PLA2G3: variants seen among roughly 807,000 people sequenced by gnomAD.
The protein encoded by PLA2G3 is group 3 secretory phospholipase A2.
PLA2G3 carries 39 observed loss-of-function variants against 51.3 expected under a neutral mutation model. The ratio of observed to expected loss-of-function variants is 0.76; its 90% CI spans 0.59 to 0.99. The LOEUF is 0.99. PLA2G3 is among the 50% of genes least tolerant of loss of function. The probability of loss-of-function intolerance (pLI) is 0.00; values close to 1 mark genes in which losing one functional copy is unlikely to be tolerated. For missense variants in PLA2G3, 677 were observed against 662.1 expected (o/e 1.02, Z -0.25); for synonymous variants, 293 against 263.1 (o/e 1.11, Z -1.10).
chr22:31,137,644 A>C, intron 4 of PLA2G3, 66 bp downstream of exon 4: 1 of 1,420,172 alleles, frequency 7.0e-7, no homozygotes, highest in African/African-American at 1.4e-5. Flanking sequence ...ACACATGGCC[A>C]CCCCTAAACA....
Position 31,139,924 on chromosome 22 carries a change from T to G in PLA2G3, c.431A>C (p.His144Pro). The change falls in exon 1 of 7, where the codon CAC becomes CCC. Residue 144 changes from histidine (H) to proline (P), a missense_variant. His to Pro is a moderately conservative substitution (Grantham distance 77, BLOSUM62 -2). Coordinates refer to ENST00000215885, the MANE Select transcript of PLA2G3 (RefSeq NM_015715.5). ...GGTCCATCCTCTCTTCTCTCGCTGG[T>G]GCCCTCCACCAGGGACTCCACTCTG... ...AGQSGVPGGG[H>P]QREKRGWTMP... 1 of 1,613,986 alleles carries G rather than the reference T, an allele frequency of 6.2e-7. No homozygotes were observed. The highest frequency in any genetic ancestry group is 2.2e-5 in the East Asian group (1 of 44,860).
At chr22:31,137,275 G>A (rs906861402) in intron 4 of PLA2G3, among the ~76,000 whole-genome samples, 11 of 152,226 alleles carry the variant, frequency 7.2e-5, no homozygotes, top group African/African-American at 1.9e-4. Context: ...GAGTACTGAC[G>A]GTAGTCAAGA....
chr22:31,139,136 G>A (rs1266932319), intron 1 of PLA2G3, among the ~76,000 whole-genome samples: 3 of 152,184 alleles, frequency 2.0e-5, no homozygotes, highest in Non-Finnish European at 2.9e-5. Flanking sequence ...AATTATGAAT[G>A]TGTGTATGAT....
Position 31,134,814 on chromosome 22 carries a change from C to T in PLA2G3, c.*909G>A, listed in dbSNP as rs1922457895. ...TACCAGGCACCAGCTGTATACATTA[C>T]ACATGCCATCTCCTTTAATCTGCAT... On this transcript the variant is annotated 3_prime_UTR_variant, in exon 7 of 7. Coordinates refer to ENST00000215885, the MANE Select transcript of PLA2G3 (RefSeq NM_015715.5). The T allele has an allele frequency of 5.4e-6, 1 of 186,246 alleles. No homozygotes were observed. 11.5% of individuals were successfully genotyped at this position (186,246 alleles called of 1,614,324 possible). A position where few individuals can be genotyped will look rare whatever the true frequency, so the allele number is the denominator to read the frequency against.
chr22:31,138,517 C>T (rs1922722625), intron 2 of PLA2G3, 107 bp from the exon 3 acceptor site: 2 of 1,519,084 alleles, frequency 1.3e-6, no homozygotes, highest in Non-Finnish European at 1.8e-6. Flanking sequence ...CCAAGCATCC[C>T]TTCTTTCTGG....
Position 31,140,468 on chromosome 22 carries a change from G to T in PLA2G3, c.-114C>A. The T allele has an allele frequency of 8.1e-7, 1 of 1,235,160 alleles. No individual in the cohort carries two copies. Among genetic ancestry groups the T allele is most frequent in the Admixed American group, 2.4e-5 (1 of 41,800 alleles). The allele number at this position is 1,235,160 out of a possible 1,614,324, so 76.5% of individuals were successfully genotyped here. On this transcript the variant is annotated 5_prime_UTR_variant, in exon 1 of 7. Transcript: ENST00000215885. The stretch of plus-strand genomic sequence containing the variant: ...AGCGGAGCCCAGCAGGCCCGGTGCG[G>T]CGGGACCAATGAATGGAGCTGCGGG...
Position 31,135,698 on chromosome 22 carries a change from G to A in PLA2G3, c.*25C>T, listed in dbSNP as rs1922513953. ...ATAGCCATGGGCAAGGTCCAGGCTG[G>A]TGCCCAGGAAAGCTGAAACTGAGGT... On this transcript the variant is annotated 3_prime_UTR_variant, in exon 7 of 7. Transcript: ENST00000215885. The A allele has an allele frequency of 6.3e-7, 1 of 1,583,380 alleles. No homozygotes were observed. The highest frequency in any genetic ancestry group is 1.7e-5 in the Admixed American group (1 of 59,924).
At position 31,137,842 on chromosome 22, in the gene PLA2G3, G is replaced by T; in HGVS notation, c.934C>A (p.Pro312Thr). ...CGCTTGGACCCTTTCTGATGTGGTG[G>T]CCCCTTCCGAAGGTGCTGCTTCTGT... Reference protein sequence around the residue: ...PRQKQHLRKGPPHQKGSKRPS... With the variant: ...PRQKQHLRKGTPHQKGSKRPS... Residue 312 changes from proline (P) to threonine (T), a missense_variant, in exon 4 of 7, where the codon CCA becomes ACA. Transcript: ENST00000215885. 2.5e-6 allele frequency: 4 copies of T among 1,614,130 alleles called. No individual in the cohort carries two copies. Among genetic ancestry groups the T allele is most frequent in the Non-Finnish European group, 3.4e-6 (4 of 1,180,008 alleles).
At chr22:31,136,885 G>A (rs368261799) in intron 5 of PLA2G3, 23 bp downstream of exon 5, 157 of 1,607,370 alleles carry the variant, frequency 9.8e-5, no homozygotes, top group East Asian at 8.3e-4. Flanking sequence ...AGCCCACCCC[G>A]CGAGGGTTCA....
chr22:31,136,886 C>A (rs370175331), intron 5 of PLA2G3, 22 bp downstream of exon 5: 5 of 1,607,350 alleles, frequency 3.1e-6, no homozygotes, highest in African/African-American at 2.7e-5. Context: ...GCCCACCCCG[C>A]GAGGGTTCAA....
intron 6 of PLA2G3, 94 bp from the exon 7 acceptor site, chr22:31,136,030 G>A: frequency 5.8e-6 from 6 of 1,035,866 alleles, no homozygotes; most frequent in Non-Finnish European, 8.6e-6. Context: ...GAGAGAGGGG[G>A]CTGGGGCCAC....
At position 31,137,764 on chromosome 22, in the gene PLA2G3, G is replaced by C. The variant is rs200094111; in HGVS notation, c.1012C>G (p.Leu338Val). The change falls in exon 4 of 7, where the codon CTT (leucine) becomes GTT (valine). Residue 338 changes from leucine (L) to valine (V), a missense_variant. Leu to Val is a conservative substitution (Grantham distance 32). Transcript: ENST00000215885. Reference sequence around the variant, plus strand: ...TGGAGGCCTGTGGGGGCCACATCAAGCCTGGGAGAGACCATAGGGTCCTGG... The same window carrying C: ...TGGAGGCCTGTGGGGGCCACATCAACCCTGGGAGAGACCATAGGGTCCTGG... ...ALQDPMVSPRLDVAPTGLQGP... is the reference protein window; with the variant it reads ...ALQDPMVSPRVDVAPTGLQGP... The C allele has an allele frequency of 2.5e-6, 4 of 1,613,708 alleles. No individual in the cohort carries two copies. Among genetic ancestry groups the C allele is most frequent in the Non-Finnish European group, 3.4e-6 (4 of 1,179,966 alleles).
At position 31,135,864 on chromosome 22, in the gene PLA2G3, C is replaced by T. The variant is rs1479163298; in HGVS notation, c.1389G>A (p.Gln463=). 4 of 1,613,944 alleles carry T rather than the reference C, an allele frequency of 2.5e-6. No individual in the cohort carries two copies. The highest frequency in any genetic ancestry group is 3.4e-6 in the Non-Finnish European group (4 of 1,180,046). Residue 463 remains glutamine (Q), a synonymous_variant, in exon 7 of 7, where the codon CAG becomes CAA. Transcript: ENST00000215885. ...TCTCATCTGTGCCTTTATCCTGGAGCTGGTGTCGCCTCTGCTGAAGCCTCC... is the reference window on the plus strand; with the variant it reads ...TCTCATCTGTGCCTTTATCCTGGAGTTGGTGTCGCCTCTGCTGAAGCCTCC... ...HLRRLQQRRH[Q]LQDKGTDERQ...
At chr22:31,137,573 G>C (rs1922648828) in intron 4 of PLA2G3, 137 bp downstream of exon 4, 2 of 794,068 alleles carry the variant, frequency 2.5e-6, no homozygotes, top group African/African-American at 1.7e-5. Context: ...CTGTGCTGCA[G>C]TGTGATTTCA....
chr22:31,137,035 G>C lies in PLA2G3; in HGVS notation c.1072C>G (p.Arg358Gly). Reference sequence around the variant, plus strand: ...CGGCGGAAGCTGCGGCAGACCCAGCGGGCACCTGAGGGGTGGATGTGGTGT... The same window carrying C: ...CGGCGGAAGCTGCGGCAGACCCAGCCGGCACCTGAGGGGTGGATGTGGTGT... Reference protein sequence around the residue: ...PQGGLKPQGARWVCRSFRRHL... With the variant: ...PQGGLKPQGAGWVCRSFRRHL... The change falls in exon 5 of 7, where the codon CGC becomes GGC. Residue 358 changes from arginine (R) to glycine (G), a missense_variant. Physicochemically the swap from Arg to Gly is moderately radical, Grantham distance 125. Coordinates refer to ENST00000215885, the MANE Select transcript of PLA2G3 (RefSeq NM_015715.5). The C allele has an allele frequency of 2.6e-6, 4 of 1,535,850 alleles. No homozygotes were observed. Among genetic ancestry groups the C allele is most frequent in the Non-Finnish European group, 2.6e-6 (3 of 1,140,098 alleles).
intron 6 of PLA2G3, 51 bp from the exon 7 acceptor site, chr22:31,135,987 C>T: frequency 6.8e-7 from 1 of 1,473,676 alleles, no homozygotes; most frequent in Non-Finnish European, 9.4e-7. Flanking sequence ...AAGGATCCCA[C>T]CTTACTCTGC....
chr22:31,138,071 T>C, intron 3 of PLA2G3, 78 bp from the exon 4 acceptor site: 1 of 1,445,280 alleles, frequency 6.9e-7, no homozygotes, highest in Non-Finnish European at 9.2e-7. Flanking sequence ...TCCATGGAGA[T>C]CAATGCTCTG....
intron 1 of PLA2G3, among the ~76,000 whole-genome samples, chr22:31,139,604 G>A (rs746237985): frequency 2.0e-5 from 3 of 151,984 alleles, no homozygotes; most frequent in Admixed American, 1.3e-4. Flanking sequence ...CCAGTCCCTC[G>A]GATGGCATTT....
rs745515916 is a variant in PLA2G3, at chr22:31,140,169, C to A, written c.186G>T (p.Trp62Cys). The A allele has an allele frequency of 6.2e-7, 1 of 1,612,504 alleles. No individual in the cohort carries two copies. Among genetic ancestry groups the A allele is most frequent in the Non-Finnish European group, 8.5e-7 (1 of 1,179,928 alleles). ...AQGLALIHARWDAHRRLQSCS... is the reference protein window; with the variant it reads ...AQGLALIHARCDAHRRLQSCS... ...ATGACTGCAGCCTCCTATGCGCATC[C>A]CAGCGGGCATGGATCAGGGCCAGTC... is the stretch of plus-strand genomic sequence containing the variant. The change falls in exon 1 of 7, where the codon TGG (tryptophan) becomes TGT (cysteine). Residue 62 changes from tryptophan to cysteine, a missense_variant. Coordinates refer to ENST00000215885, the MANE Select transcript of PLA2G3 (RefSeq NM_015715.5).
Sources: gnomAD v4.1 joint callset for allele counts (sites outside exome capture counted in the v4.1 genomes callset) on GRCh38, gnomAD v4.1.1 for gene constraint, MANE v1.5 for transcripts, NCBI Gene and HGNC (gene_info 2026-07-23, HGNC 2026-07-21) for gene names.